NXN: variants seen among roughly 807,000 people sequenced by gnomAD.
The protein encoded by NXN is nucleoredoxin 1.
In NXN, 16 loss-of-function variants were observed where a neutral mutation model predicts 48.6. The ratio of observed to expected loss-of-function variants is 0.33; its 90% CI spans 0.22 to 0.50. NXN has a LOEUF of 0.50. Among genes scored for constraint, NXN ranks in the 20% least tolerant of loss-of-function variants. The pLI is 0.98. For synonymous variants in NXN, 281 were observed against 269.6 expected, an observed-to-expected ratio of 1.04 and a Z score of -0.41; for missense variants, 492 against 605.5, an observed-to-expected ratio of 0.81 and a Z score of 1.97.
At chr17:823,352 T>C (rs1020642599) in intron 3 of NXN, among the ~76,000 whole-genome samples, 9 of 151,042 alleles carry the variant, frequency 6.0e-5, no homozygotes, top group African/African-American at 2.2e-4. Context: ...TGAACTGAGA[T>C]CGCGCCACTG....
intron 1 of NXN, among the ~76,000 whole-genome samples, chr17:922,112 A>C (rs2068755774): frequency 6.6e-6 from 1 of 152,152 alleles, no homozygotes; most frequent in Admixed American, 6.5e-5. Context: ...GGCCAACAGA[A>C]ACGGGTTAGC....
intron 5 of NXN, 54 bp from the exon 6 acceptor site, chr17:805,301 T>C: frequency 6.5e-7 from 1 of 1,548,104 alleles, no homozygotes; most frequent in Non-Finnish European, 8.7e-7. Flanking sequence ...TGGCCCTGCC[T>C]GGCAGGAGGC....
chr17:902,998 C>A (rs941432366), intron 1 of NXN, among the ~76,000 whole-genome samples: 1 of 151,464 alleles, frequency 6.6e-6, no homozygotes, highest in African/African-American at 2.4e-5. Flanking sequence ...CTCGAACTCC[C>A]GAACTCAGGT....
At chr17:819,182 G>C (rs1248613085) in intron 5 of NXN, 5 of 472,338 alleles carry the variant, frequency 1.1e-5, no homozygotes, top group Non-Finnish European at 2.0e-5. Context: ...CCTGAGCTCA[G>C]GTGATCCACC....
intron 1 of NXN, among the ~76,000 whole-genome samples, chr17:957,298 AC>A (rs978521297): frequency 6.6e-6 from 1 of 151,592 alleles, no homozygotes; most frequent in Non-Finnish European, 1.5e-5. Flanking sequence ...GAAGCCAGGA[AC>A]CCCCCGGGAT....
In NXN at chr17:915,807, TGGGCGGCCACTTATGGTGTCAGAGCC is replaced by T. The variant is rs1328155521; in HGVS notation, c.360+63486_360+63511del. Among the ~76,000 whole-genome samples, 924 of 151,910 alleles carry T rather than the reference TGGGCGGCCACTTATGGTGTCAGAGCC, an allele frequency of 6.1e-3. 11 individuals are homozygous for T. The highest frequency in any genetic ancestry group is 0.021 in the African/African-American group (859 of 41,402). ...CTTCCAGGTGAAACTTCCCCTAAAATGGGCGGCCACTTATGGTGTCAGAGCCGAAACTTCCCCTAAAATGGGCGGCC... is the reference window on the plus strand; with the variant it reads ...CTTCCAGGTGAAACTTCCCCTAAAATGAAACTTCCCCTAAAATGGGCGGCC... On this transcript the variant is annotated intron_variant, in intron 1 of 7. Transcript: ENST00000336868.
chr17:804,994 G>C, intron 6 of NXN, 74 bp downstream of exon 6: 1 of 1,464,008 alleles, frequency 6.8e-7, no homozygotes, highest in Non-Finnish European at 9.3e-7. Context: ...GCAGGGACAG[G>C]CTCCTCCCAA....
At position 917,744 on chromosome 17, in the gene NXN, C is replaced by A. The variant is rs576369140; in HGVS notation, c.360+61575G>T. 7.2e-5 allele frequency among the ~76,000 whole-genome samples: 11 copies of A among 152,164 alleles called. No homozygotes were observed. Among genetic ancestry groups the A allele is most frequent in the African/African-American group, 2.7e-4 (11 of 41,452 alleles). ...CCAGGTTCCAGCCCTACAAGGGGCG[C>A]GTACTGGCACAACAGGCGGGCGTGG... On this transcript the variant is annotated intron_variant, in intron 1 of 7. Transcript: ENST00000336868. This position sits in a 1 kb window ranked among gnomAD's most constrained non-coding sequence, Gnocchi z 4.5.
chr17:800,875 C>A lies in NXN; in HGVS notation c.*74G>T. The stretch of plus-strand genomic sequence containing the variant: ...GGGATTCGGGGCACGCTGGGTAAGT[C>A]CAAGGGCGGAAGGAAGGAGGGGGAG... On this transcript the variant is annotated 3_prime_UTR_variant, in exon 8 of 8. Transcript: ENST00000336868. 8.8e-7 allele frequency: 1 copy of A among 1,140,508 alleles called. No homozygotes were observed. The highest frequency in any genetic ancestry group is 2.4e-5 in the South Asian group (1 of 42,308). 70.6% of individuals were successfully genotyped at this position (1,140,508 alleles called of 1,614,324 possible).
chr17:846,551 C>T (rs1597658851), intron 1 of NXN, among the ~76,000 whole-genome samples: 1 of 150,154 alleles, frequency 6.7e-6, no homozygotes, highest in African/African-American at 2.5e-5. Context: ...TGAGAGCACA[C>T]CTGAACAAAG....
chr17:904,989 G>A (rs560371878), intron 1 of NXN, among the ~76,000 whole-genome samples: 15 of 152,172 alleles, frequency 9.9e-5, no homozygotes, highest in African/African-American at 2.9e-4. Context: ...ACACACAAGC[G>A]TGTGTGCCAC....
chr17:966,340 T>G (rs1051514164), intron 1 of NXN, among the ~76,000 whole-genome samples: 1 of 151,866 alleles, frequency 6.6e-6, no homozygotes, highest in Non-Finnish European at 1.5e-5. Flanking sequence ...CTATCACTAG[T>G]GTTGTCAGCA....
chr17:961,101 A>G (rs2069231393), intron 1 of NXN, among the ~76,000 whole-genome samples: 1 of 151,284 alleles, frequency 6.6e-6, no homozygotes, highest in African/African-American at 2.4e-5. Flanking sequence ...TCGATTTTTA[A>G]TAGCTATTCA....
At position 920,197 on chromosome 17, in the gene NXN, G is replaced by C. The variant is rs1317186998; in HGVS notation, c.360+59122C>G. On this transcript the variant is annotated intron_variant, in intron 1 of 7. Coordinates refer to ENST00000336868, the MANE Select transcript of NXN (RefSeq NM_022463.5). This position sits in a 1 kb window ranked among gnomAD's most constrained non-coding sequence, Gnocchi z 4.6. Reference sequence around the variant, plus strand: ...TGACAAGCACGAGCCATCACGCCCAGTCTACACCCCGAAATCCAACATTAC... The same window carrying C: ...TGACAAGCACGAGCCATCACGCCCACTCTACACCCCGAAATCCAACATTAC... Among the ~76,000 whole-genome samples, 1 of 151,858 alleles carries C rather than the reference G, an allele frequency of 6.6e-6. No homozygotes were observed. Among genetic ancestry groups the C allele is most frequent in the African/African-American group, 2.4e-5 (1 of 41,304 alleles).
intron 4 of NXN, 81 bp from the exon 5 acceptor site, chr17:819,626 T>C: frequency 1.0e-6 from 1 of 1,004,018 alleles, no homozygotes; most frequent in Non-Finnish European, 1.5e-6. Flanking sequence ...TGCCGAGTTC[T>C]GCCCAGGGAT....
intron 1 of NXN, among the ~76,000 whole-genome samples, chr17:887,469 C>T (rs1189597993): frequency 6.6e-6 from 1 of 152,134 alleles, no homozygotes; most frequent in African/African-American, 2.4e-5. Context: ...TCTTCTGCAC[C>T]ACATTCTCGG....
rs753224881 is a variant in NXN at position 817,307 on chromosome 17, A to AT, written c.820+2131dup. On this transcript the variant is annotated intron_variant, in intron 5 of 7. Transcript: ENST00000336868. ...AAGCACCAATCTAAAATTAAATATTATTTTTTTTAAAACTTCTGCTCCAAA... is the reference window on the plus strand; with the variant it reads ...AAGCACCAATCTAAAATTAAATATTATTTTTTTTTAAAACTTCTGCTCCAAA... Among the ~76,000 whole-genome samples the AT allele has an allele frequency of 9.9e-5, 15 of 152,150 alleles. No homozygotes were observed. In the South Asian group the frequency reaches 1.0e-3, roughly 11 times the overall value.
intron 1 of NXN, among the ~76,000 whole-genome samples, chr17:848,081 C>G (rs2067884388): frequency 6.6e-6 from 1 of 152,080 alleles, no homozygotes; most frequent in East Asian, 1.9e-4. Context: ...GTCCCTGACA[C>G]CCTCAGGAGG....
chr17:869,962 C>T (rs956731904), intron 1 of NXN, among the ~76,000 whole-genome samples: 3 of 152,130 alleles, frequency 2.0e-5, no homozygotes, highest in African/African-American at 7.2e-5. Flanking sequence ...TGCCTTAAGC[C>T]GGCAGTTTTC....
Sources: gnomAD v4.1 joint callset for allele counts (sites outside exome capture counted in the v4.1 genomes callset) on GRCh38, gnomAD v4.1.1 for gene constraint, Gnocchi (gnomAD v3.1) non-coding constraint, MANE v1.5 for transcripts, NCBI Gene and HGNC (gene_info 2026-07-23, HGNC 2026-07-21) for gene names.